ACBD6: variants seen among roughly 807,000 people sequenced by gnomAD.
ACBD6 encodes acyl-CoA binding domain containing 6, also known as acyl-CoA-binding domain-containing protein 6.
ACBD6 carries 28 observed loss-of-function variants against 37.2 expected under a neutral mutation model. The observed-to-expected ratio is 0.75, with a 90% CI of 0.56 to 1.03. ACBD6 has a LOEUF of 1.03. ACBD6 is among the 50% of genes least tolerant of loss of function. The probability of loss-of-function intolerance (pLI) is 0.00; values close to 1 mark genes in which losing one functional copy is unlikely to be tolerated. For synonymous variants in ACBD6, 113 were observed against 126.8 expected (o/e 0.89, Z 0.73); for missense variants, 340 against 337.4 (o/e 1.01, Z -0.06).
chr1:180,397,464 T>C (rs1022699778), intron 6 of ACBD6, 52 bp downstream of exon 6: 3 of 1,479,538 alleles, frequency 2.0e-6, no homozygotes, highest in Non-Finnish European at 2.8e-6. Context: ...TTTTATGTTA[T>C]GCGAATTATA....
At chr1:180,338,369 T>C (rs1426931869) in intron 6 of ACBD6, among the ~76,000 whole-genome samples, 4 of 151,964 alleles carry the variant, frequency 2.6e-5, no homozygotes, top group Non-Finnish European at 5.9e-5. Context: ...TCAGAAATAA[T>C]GCCACACATC....
intron 4 of ACBD6, among the ~76,000 whole-genome samples, chr1:180,429,879 C>T (rs1648744929): frequency 3.3e-5 from 5 of 152,142 alleles, no homozygotes; most frequent in South Asian, 4.1e-4. Flanking sequence ...ATGAGACAGT[C>T]GTCACTAGAC....
intron 3 of ACBD6, among the ~76,000 whole-genome samples, chr1:180,440,124 T>G (rs1434163406): frequency 6.6e-6 from 1 of 152,176 alleles, no homozygotes; most frequent in East Asian, 1.9e-4. Context: ...TATTTTTATT[T>G]TTTAGATGAA....
chr1:180,453,570 T>G (rs1234603108), intron 3 of ACBD6, among the ~76,000 whole-genome samples: 1 of 152,006 alleles, frequency 6.6e-6, no homozygotes, highest in Non-Finnish European at 1.5e-5. Flanking sequence ...GAGAAAGAAA[T>G]AAAGGGTATT....
chr1:180,406,195 G>A (rs1348588263), intron 5 of ACBD6, among the ~76,000 whole-genome samples: 3 of 152,084 alleles, frequency 2.0e-5, no homozygotes, highest in Non-Finnish European at 1.5e-5. Context: ...TATTAGCATA[G>A]GTTGAGTATC....
chr1:180,342,122 A>G (rs1169710885), intron 6 of ACBD6, among the ~76,000 whole-genome samples: 1 of 152,128 alleles, frequency 6.6e-6, no homozygotes, highest in Non-Finnish European at 1.5e-5. Flanking sequence ...AATTTAGGGA[A>G]TGTCTACCTA....
At chr1:180,461,298 G>A (rs530639188) in intron 3 of ACBD6, among the ~76,000 whole-genome samples, 1 of 152,262 alleles carries the variant, frequency 6.6e-6, no homozygotes, top group South Asian at 2.1e-4. Flanking sequence ...AAAGAGCTAG[G>A]GAGAAGGGAA....
At chr1:180,433,646 T>C (rs1414393005) in intron 3 of ACBD6, among the ~76,000 whole-genome samples, 4 of 149,638 alleles carry the variant, frequency 2.7e-5, no homozygotes, top group Non-Finnish European at 5.9e-5. Context: ...AGTGAGAGAG[T>C]GCGCACAAAA....
intron 6 of ACBD6, among the ~76,000 whole-genome samples, chr1:180,321,804 T>C (rs565592043): frequency 1.1e-4 from 17 of 152,274 alleles, no homozygotes; most frequent in African/African-American, 3.4e-4. Context: ...CCTATAATCT[T>C]ATGATAAATT....
chr1:180,397,626 T>C, intron 5 of ACBD6, 21 bp from the exon 6 acceptor site: 1 of 1,577,804 alleles, frequency 6.3e-7, no homozygotes, highest in East Asian at 2.2e-5. Context: ...AGAAGATAAA[T>C]GAATTTGTTA....
intron 6 of ACBD6, among the ~76,000 whole-genome samples, chr1:180,328,634 T>G (rs1651349336): frequency 6.6e-6 from 1 of 152,134 alleles, no homozygotes. Context: ...TTCAAGTGAA[T>G]GTATGATAAG....
rs182548789 is a variant in ACBD6 at position 180,327,941 on chromosome 1, G to A, written c.664-13219C>T. Among the ~76,000 whole-genome samples the A allele has an allele frequency of 5.4e-4, 82 of 152,162 alleles. No individual in the cohort carries two copies. In the Middle Eastern group the frequency reaches 0.01, roughly 19 times the overall value. On this transcript the variant is annotated intron_variant, in intron 6 of 7. Coordinates refer to ENST00000367595, the MANE Select transcript of ACBD6 (RefSeq NM_032360.4). Reference sequence around the variant, plus strand: ...ATTTTTGATCATGTCTCCATTTTAGGAATATTTCCTTTAAGGACTGAGTTT... The same window carrying A: ...ATTTTTGATCATGTCTCCATTTTAGAAATATTTCCTTTAAGGACTGAGTTT...
At chr1:180,397,427 A>C (rs1385207846) in intron 6 of ACBD6, 89 bp downstream of exon 6, 46 of 1,136,538 alleles carry the variant, frequency 4.0e-5, no homozygotes, top group Non-Finnish European at 5.6e-5. Flanking sequence ...ACTGAATTGC[A>C]CATTTCAAAA....
intron 3 of ACBD6, among the ~76,000 whole-genome samples, chr1:180,465,194 G>A (rs538283537): frequency 1.3e-5 from 2 of 152,236 alleles, no homozygotes; most frequent in South Asian, 4.1e-4. Context: ...TTAAACTTAA[G>A]AGCTTCTGCA....
intron 6 of ACBD6, among the ~76,000 whole-genome samples, chr1:180,376,085 A>T (rs1653420792): frequency 6.6e-6 from 1 of 152,242 alleles, no homozygotes; most frequent in Admixed American, 6.5e-5. Flanking sequence ...CATAAAAATA[A>T]GAACTCACTC....
intron 6 of ACBD6, among the ~76,000 whole-genome samples, chr1:180,335,639 A>G (rs1207694294): frequency 6.6e-6 from 1 of 151,574 alleles, no homozygotes; most frequent in Non-Finnish European, 1.5e-5. Flanking sequence ...TCATAATGAC[A>G]GGATCAAATT....
intron 6 of ACBD6, among the ~76,000 whole-genome samples, chr1:180,338,619 C>A (rs971219564): frequency 7.2e-5 from 11 of 152,132 alleles, no homozygotes; most frequent in Admixed American, 6.5e-4. Flanking sequence ...TAGGCATGGG[C>A]AAGGACTTCA....
intron 5 of ACBD6, among the ~76,000 whole-genome samples, chr1:180,399,669 T>A (rs572282904): frequency 1.3e-5 from 2 of 152,362 alleles, no homozygotes; most frequent in Non-Finnish European, 2.9e-5. Context: ...AGCTCTAATG[T>A]GACCTGCTGT....
intron 3 of ACBD6, among the ~76,000 whole-genome samples, chr1:180,447,895 T>C (rs1649532473): frequency 6.6e-6 from 1 of 151,738 alleles, no homozygotes; most frequent in African/African-American, 2.4e-5. Flanking sequence ...AATGATCTCA[T>C]GTGTACAAAA....
Sources: allele counts gnomAD v4.1 joint callset (sites outside exome capture counted in the v4.1 genomes callset), GRCh38; gene constraint gnomAD v4.1.1; transcripts MANE v1.5; gene names NCBI Gene and HGNC (gene_info 2026-07-23, HGNC 2026-07-21).